Variants in TMEM163 observed in about 807,000 individuals in gnomAD.
TMEM163 encodes transmembrane protein 163.
Under a neutral mutation model 29.3 loss-of-function variants are expected in TMEM163, and 17 were observed. The observed-to-expected ratio is 0.58, with a 90% CI of 0.40 to 0.87. The LOEUF (loss-of-function observed/expected upper bound fraction) is 0.87. Among genes scored for constraint, TMEM163 ranks in the 40% least tolerant of loss-of-function variants. The pLI is 0.00. For synonymous variants in TMEM163, 157 were observed against 160.6 expected, an observed-to-expected ratio of 0.98 and a Z score of 0.17; for missense variants, 303 against 381.5, an observed-to-expected ratio of 0.79 and a Z score of 1.71.
chr2:134,581,167 T>C (rs563629179), intron 2 of TMEM163, among the ~76,000 whole-genome samples: 24 of 152,320 alleles, frequency 1.6e-4, no homozygotes, highest in South Asian at 1.4e-3. Context: ...TGTAGTCCAA[T>C]ATATACATTT....
chr2:134,491,559 C>T (rs561237747), intron 5 of TMEM163, among the ~76,000 whole-genome samples: 108 of 152,244 alleles, frequency 7.1e-4, no homozygotes, highest in Admixed American at 2.0e-3. Flanking sequence ...CCAGAAAGCA[C>T]CCTCCACCCC....
Position 134,486,902 on chromosome 2 carries a change from A to T in TMEM163, c.555+15999T>A, listed in dbSNP as rs118082129. 6.7e-4 allele frequency among the ~76,000 whole-genome samples: 102 copies of T among 152,368 alleles called. 2 individuals are homozygous for T. The East Asian group carries it at 0.017, about 25-fold the overall frequency. On this transcript the variant is annotated intron_variant, in intron 5 of 7. Coordinates refer to ENST00000281924, the MANE Select transcript of TMEM163 (RefSeq NM_030923.5). ...CAAGAATTCAAAGATGCCTTATTAG[A>T]ATATCAATTAATTTGAAATATTCAC...
chr2:134,539,190 G>A (rs1056646188), intron 4 of TMEM163, among the ~76,000 whole-genome samples: 1 of 152,110 alleles, frequency 6.6e-6, no homozygotes, highest in Non-Finnish European at 1.5e-5. Flanking sequence ...TTATTTAAAT[G>A]CCTCCTATTT....
chr2:134,541,770 G>A (rs1447457260), intron 4 of TMEM163, among the ~76,000 whole-genome samples: 5 of 101,960 alleles, frequency 4.9e-5, no homozygotes, highest in African/African-American at 1.5e-4. Context: ...GTGTACACAC[G>A]TGCACACACA....
intron 4 of TMEM163, among the ~76,000 whole-genome samples, chr2:134,505,261 T>TTTTA (rs1574187004): frequency 4.3e-5 from 6 of 139,594 alleles, no homozygotes. Context: ...TTTTTTTTTT[T>TTTTA]AAAGTTTCCT....
intron 5 of TMEM163, among the ~76,000 whole-genome samples, chr2:134,479,502 T>C (rs1041375508): frequency 8.5e-5 from 13 of 152,162 alleles, no homozygotes; most frequent in Non-Finnish European, 1.5e-4. Flanking sequence ...AATGTTTTGG[T>C]GTATACCAAT....
chr2:134,564,449 G>C (rs1449839336), intron 2 of TMEM163, among the ~76,000 whole-genome samples: 1 of 152,168 alleles, frequency 6.6e-6, no homozygotes, highest in Non-Finnish European at 1.5e-5. Context: ...TATTGGCATG[G>C]AGTTTCATAA....
At chr2:134,672,485 G>C (rs1684015792) in intron 2 of TMEM163, among the ~76,000 whole-genome samples, 1 of 152,072 alleles carries the variant, frequency 6.6e-6, no homozygotes, top group Non-Finnish European at 1.5e-5. Flanking sequence ...TCACTGAAGT[G>C]ATCCTCTCAC....
At chr2:134,704,868 G>T (rs1451445929) in intron 2 of TMEM163, among the ~76,000 whole-genome samples, 2 of 152,046 alleles carry the variant, frequency 1.3e-5, no homozygotes, top group Non-Finnish European at 1.5e-5. Context: ...TATCTGCTTG[G>T]TGCTGGCCAA....
At chr2:134,597,035 G>A (rs1682102719) in intron 2 of TMEM163, among the ~76,000 whole-genome samples, 1 of 152,146 alleles carries the variant, frequency 6.6e-6, no homozygotes, top group Admixed American at 6.6e-5. Context: ...GGGTTTTCTA[G>A]ATATACAATC....
intron 4 of TMEM163, among the ~76,000 whole-genome samples, chr2:134,528,486 T>A (rs1371464701): frequency 6.6e-6 from 1 of 152,204 alleles, no homozygotes; most frequent in Non-Finnish European, 1.5e-5. Context: ...GAGTTTCTTA[T>A]AACATTGTTA....
intron 2 of TMEM163, among the ~76,000 whole-genome samples, chr2:134,554,062 CTTCT>C (rs929890190): frequency 3.9e-5 from 6 of 152,140 alleles, no homozygotes; most frequent in Non-Finnish European, 8.8e-5. Flanking sequence ...TTGTGGGTTT[CTTCT>C]TTATCAGCAG....
intron 2 of TMEM163, among the ~76,000 whole-genome samples, chr2:134,678,902 G>A (rs1288629592): frequency 6.6e-6 from 1 of 152,226 alleles, no homozygotes; most frequent in Non-Finnish European, 1.5e-5. Context: ...TCCTGTATGT[G>A]AGAACAGCTA....
intron 2 of TMEM163, among the ~76,000 whole-genome samples, chr2:134,649,856 A>C (rs1335762978): frequency 1.3e-5 from 2 of 151,928 alleles, no homozygotes; most frequent in African/African-American, 4.8e-5. Flanking sequence ...TCTACAAAAA[A>C]TTAGCCAGGC....
intron 6 of TMEM163, among the ~76,000 whole-genome samples, chr2:134,463,230 G>A (rs888536827): frequency 1.3e-5 from 2 of 152,192 alleles, no homozygotes. Context: ...TCAGAACCAC[G>A]TAAAGGGACC....
chr2:134,698,630 A>T (rs1451025272), intron 2 of TMEM163, among the ~76,000 whole-genome samples: 1 of 150,350 alleles, frequency 6.7e-6, no homozygotes, highest in Non-Finnish European at 1.5e-5. Context: ...TCTGTTTCTT[A>T]TCTTCTTGTT....
At position 134,575,597 on chromosome 2, in the gene TMEM163, G is replaced by A. The variant is rs140303495; in HGVS notation, c.323-23506C>T. Among the ~76,000 whole-genome samples, 39 of 152,208 alleles carry A rather than the reference G, an allele frequency of 2.6e-4. 1 individual carries two copies. Among genetic ancestry groups the A allele is most frequent in the Non-Finnish European group, 4.1e-4 (28 of 68,006 alleles). On this transcript the variant is annotated intron_variant, in intron 2 of 7. Coordinates refer to ENST00000281924, the MANE Select transcript of TMEM163 (RefSeq NM_030923.5). ...CACGCTTTCATGAGATGTGTCACTC[G>A]CCACACGGAGTGAATGCCCAGCACC...
At chr2:134,716,076 G>A (rs1360405971) in intron 1 of TMEM163, among the ~76,000 whole-genome samples, 1 of 152,138 alleles carries the variant, frequency 6.6e-6, no homozygotes, top group Non-Finnish European at 1.5e-5. Context: ...CTTGAACTCT[G>A]TGAAGAAAGG....
intron 2 of TMEM163, among the ~76,000 whole-genome samples, chr2:134,564,942 A>G (rs1254837641): frequency 6.6e-6 from 1 of 152,212 alleles, no homozygotes; most frequent in South Asian, 2.1e-4. Flanking sequence ...GCCCGTCTCT[A>G]TAAAAGCTGA....
Sources: gnomAD v4.1 joint callset for allele counts (sites outside exome capture counted in the v4.1 genomes callset) on GRCh38, gnomAD v4.1.1 for gene constraint, MANE v1.5 for transcripts, NCBI Gene and HGNC (gene_info 2026-07-23, HGNC 2026-07-21) for gene names.